The following NDUFAF3 variants were observed in gnomAD, a reference collection of about 807,000 sequenced individuals.
NDUFAF3 encodes NADH:ubiquinone oxidoreductase complex assembly factor 3.
In NDUFAF3, 21 loss-of-function variants were observed where a neutral mutation model predicts 22.6. The observed-to-expected ratio is 0.93, with a 90% confidence interval of 0.66 to 1.34. The LOEUF is 1.34. Among genes scored for constraint, NDUFAF3 ranks in the 40% most tolerant of loss-of-function variants. NDUFAF3 has a pLI of 0.00. For synonymous variants in NDUFAF3, 113 were observed against 104.9 expected (o/e 1.08, Z -0.47); for missense variants, 251 against 248.4 (o/e 1.01, Z -0.07).
rs1346312890 is a variant in NDUFAF3 at position 49,023,123 on chromosome 3, C to T, written c.506C>T (p.Pro169Leu). The change falls in exon 5 of 5, where the codon CCT becomes CTT. Residue 169 changes from proline to leucine, a missense_variant. Physicochemically the swap from Pro to Leu is moderately conservative, Grantham distance 98 (BLOSUM62 -3). Transcript: ENST00000326925. ...EGRVTGAALI[P>L]PPGGTSLTSL... ...CGAGTAACTGGAGCTGCTCTCATCC[C>T]TCCACCAGGAGGGACTTCACTTACA... The T allele has an allele frequency of 3.7e-6, 6 of 1,614,178 alleles. No individual in the cohort carries two copies. Among genetic ancestry groups the T allele is most frequent in the Non-Finnish European group, 5.1e-6 (6 of 1,180,012 alleles).
rs767302185 is a variant in NDUFAF3 at position 49,022,333 on chromosome 3, T to A, written c.78-13T>A. 1 of 1,610,710 alleles carries A rather than the reference T, an allele frequency of 6.2e-7. No homozygotes were observed. The highest frequency in any genetic ancestry group is 1.1e-5 in the South Asian group (1 of 91,038). On this transcript the variant is annotated splice_polypyrimidine_tract_variant and intron_variant, in intron 1 of 4. Coordinates refer to ENST00000326925, the MANE Select transcript of NDUFAF3 (RefSeq NM_199069.2). The surrounding 1 kb of genome is among the most constrained non-coding windows in gnomAD (Gnocchi z 6.6). ...CGGCCCGGCCCCGCGCCCCTGACCC[T>A]TTCCCTCCGCAGGGCCCCGCGGCGA...
upstream of NDUFAF3, chr3:49,022,089 C>T: frequency 1.9e-6 from 3 of 1,560,822 alleles, no homozygotes; most frequent in South Asian, 2.3e-5. This position sits in a 1 kb window ranked among gnomAD's most constrained non-coding sequence, Gnocchi z 6.6. Context: ...CCGCAGGGCC[C>T]TCCCAACCCG....
At chr3:49,020,529 G>A (rs561404673), upstream of NDUFAF3, 19 of 436,408 alleles carry the variant, frequency 4.4e-5, no homozygotes, top group Admixed American at 7.6e-5. Flanking sequence ...TCCAGCCTGA[G>A]GGCGCAACTG....
At chr3:49,020,833 A>G (rs1195700952), upstream of NDUFAF3, 4 of 350,110 alleles carry the variant, frequency 1.1e-5, no homozygotes, top group Non-Finnish European at 2.4e-5. Context: ...TCTAGAGGGA[A>G]CAAGACGCTC....
Position 49,022,275 on chromosome 3 carries a change from C to G in NDUFAF3, c.77+54C>G. ...TCCAGCCCCCTAGGGCCGGCGACTGCCAGCCCAGCACCTTCCGGCCTCTCG... is the reference window on the plus strand; with the variant it reads ...TCCAGCCCCCTAGGGCCGGCGACTGGCAGCCCAGCACCTTCCGGCCTCTCG... On this transcript the variant is annotated intron_variant, in intron 1 of 4. Coordinates refer to ENST00000326925, the MANE Select transcript of NDUFAF3 (RefSeq NM_199069.2). The surrounding 1 kb of genome is among the most constrained non-coding windows in gnomAD (Gnocchi z 6.6). The G allele has an allele frequency of 1.2e-6, 2 of 1,607,952 alleles. No individual in the cohort carries two copies. Among genetic ancestry groups the G allele is most frequent in the East Asian group, 2.2e-5 (1 of 44,820 alleles).
At position 49,023,360 on chromosome 3, in the gene NDUFAF3, C is replaced by T; in HGVS notation, c.*188C>T. 1 of 649,174 alleles carries T rather than the reference C, an allele frequency of 1.5e-6. No homozygotes were observed. The allele number at this position is 649,174 out of a possible 1,614,324, so 40.2% of individuals were successfully genotyped here. On this transcript the variant is annotated 3_prime_UTR_variant, in exon 5 of 5. Transcript: ENST00000326925. ...CTCTTGGAGGGGAATGTGAAGAAAC[C>T]AAGGAGTCACTTTTTCATCTAGATT...
chr3:49,022,549 G>A lies in NDUFAF3; in HGVS notation c.270+11G>A, dbSNP rs1425081528. On this transcript the variant is annotated intron_variant, in intron 2 of 4. Coordinates refer to ENST00000326925, the MANE Select transcript of NDUFAF3 (RefSeq NM_199069.2). This position sits in a 1 kb window ranked among gnomAD's most constrained non-coding sequence, Gnocchi z 6.6. ...GTGGTGCAGTGGAACGTGAGTCCTG[G>A]CCCGCAGTGTGGAAACTGAGGCCCA... 2 of 1,613,332 alleles carry A rather than the reference G, an allele frequency of 1.2e-6. No individual in the cohort carries two copies. The highest frequency in any genetic ancestry group is 3.3e-5 in the Admixed American group (2 of 60,014).
chr3:49,021,470 C>G (rs917964049), upstream of NDUFAF3: 1 of 153,744 alleles, frequency 6.5e-6, no homozygotes, highest in Non-Finnish European at 1.5e-5. This position sits in a 1 kb window ranked among gnomAD's most constrained non-coding sequence, Gnocchi z 4.1. Flanking sequence ...GAACAGCCAC[C>G]CAAACACTAT....
At position 49,022,286 on chromosome 3, in the gene NDUFAF3, C is replaced by T; in HGVS notation, c.78-60C>T. On this transcript the variant is annotated intron_variant, in intron 1 of 4. Transcript: ENST00000326925. The surrounding 1 kb of genome is among the most constrained non-coding windows in gnomAD (Gnocchi z 6.6). ...AGGGCCGGCGACTGCCAGCCCAGCA[C>T]CTTCCGGCCTCTCGGGCTGCCCGGC... 1 of 1,607,262 alleles carries T rather than the reference C, an allele frequency of 6.2e-7. No individual in the cohort carries two copies. The highest frequency in any genetic ancestry group is 8.5e-7 in the Non-Finnish European group (1 of 1,178,208).
rs2093175226 is a variant in NDUFAF3, at chr3:49,022,833, C to G, written c.338-43C>G. ...CCCAGAAGGCGACCCCCACTGCAGC[C>G]TCTCAACAGAACTGTAGACTAGCCA... On this transcript the variant is annotated intron_variant, in intron 3 of 4. Coordinates refer to ENST00000326925, the MANE Select transcript of NDUFAF3 (RefSeq NM_199069.2). This position sits in a 1 kb window ranked among gnomAD's most constrained non-coding sequence, Gnocchi z 6.6. 6.2e-7 allele frequency: 1 copy of G among 1,613,304 alleles called. No individual in the cohort carries two copies. The highest frequency in any genetic ancestry group is 1.7e-5 in the Admixed American group (1 of 60,002).
In NDUFAF3 at chr3:49,023,122, C is replaced by T. The variant is rs2093178966; in HGVS notation, c.505C>T (p.Pro169Ser). Residue 169 changes from proline to serine, a missense_variant, in exon 5 of 5, where the codon CCT becomes TCT. By Grantham distance (74) the Pro-to-Ser change is moderately conservative. Coordinates refer to ENST00000326925, the MANE Select transcript of NDUFAF3 (RefSeq NM_199069.2). Reference sequence around the variant, plus strand: ...CCGAGTAACTGGAGCTGCTCTCATCCCTCCACCAGGAGGGACTTCACTTAC... The same window carrying T: ...CCGAGTAACTGGAGCTGCTCTCATCTCTCCACCAGGAGGGACTTCACTTAC... ...EGRVTGAALI[P>S]PPGGTSLTSL... The T allele has an allele frequency of 6.2e-7, 1 of 1,614,046 alleles. No individual in the cohort carries two copies. The highest frequency in any genetic ancestry group is 1.7e-5 in the Admixed American group (1 of 60,002).
chr3:49,022,096 C>T (rs1230817140), upstream of NDUFAF3: 1 of 1,573,228 alleles, frequency 6.4e-7, no homozygotes, highest in South Asian at 1.1e-5. The surrounding 1 kb of genome is among the most constrained non-coding windows in gnomAD (Gnocchi z 6.6). Flanking sequence ...GCCCTCCCAA[C>T]CCGGGGACTA....
upstream of NDUFAF3, chr3:49,020,724 G>C (rs551359883): frequency 2.1e-6 from 1 of 476,092 alleles, no homozygotes; most frequent in East Asian, 6.5e-5. Context: ...CGGGGGGCGG[G>C]GGAGCTCCTG....
rs200233990 is a variant in NDUFAF3 at position 49,022,732 on chromosome 3, A to G, written c.301A>G (p.Ser101Gly). 6.2e-7 allele frequency: 1 copy of G among 1,614,062 alleles called. No individual in the cohort carries two copies. The highest frequency in any genetic ancestry group is 8.5e-7 in the Non-Finnish European group (1 of 1,180,026). ...VGSHQDITED[S>G]FSLFWLLEPR... is the part of the protein sequence containing the mutation. ...ATCCCACCAGGACATCACCGAAGAC[A>G]GCTTTTCCCTCTTCTGGTTGCTGGA... Residue 101 changes from serine to glycine, a missense_variant, in exon 3 of 5, where the codon AGC becomes GGC. By Grantham distance (56) the Ser-to-Gly change is moderately conservative. Coordinates refer to ENST00000326925, the MANE Select transcript of NDUFAF3 (RefSeq NM_199069.2). This position sits in a 1 kb window ranked among gnomAD's most constrained non-coding sequence, Gnocchi z 6.6.
upstream of NDUFAF3, chr3:49,020,684 G>A (rs1410674600): frequency 6.1e-6 from 3 of 490,706 alleles, no homozygotes; most frequent in Non-Finnish European, 1.3e-5. Flanking sequence ...GCTGCTTTTG[G>A]GATTCCGTTG....
Position 49,022,532 on chromosome 3 carries a change from G to A in NDUFAF3, c.264G>A (p.Gln88=). The A allele has an allele frequency of 6.2e-7, 1 of 1,613,312 alleles. No homozygotes were observed. The highest frequency in any genetic ancestry group is 8.5e-7 in the Non-Finnish European group (1 of 1,179,956). Residue 88 remains glutamine (Q), a synonymous_variant, in exon 2 of 5, where the codon CAG becomes CAA. Coordinates refer to ENST00000326925, the MANE Select transcript of NDUFAF3 (RefSeq NM_199069.2). This position sits in a 1 kb window ranked among gnomAD's most constrained non-coding sequence, Gnocchi z 6.6. ...PCALLPHSVV[Q]WNVGSHQDIT... Reference sequence around the variant, plus strand: ...CTCTGCTCCCGCACTCGGTGGTGCAGTGGAACGTGAGTCCTGGCCCGCAGT... The same window carrying A: ...CTCTGCTCCCGCACTCGGTGGTGCAATGGAACGTGAGTCCTGGCCCGCAGT...
At position 49,022,690 on chromosome 3, in the gene NDUFAF3, C is replaced by T. The variant is rs916640417; in HGVS notation, c.271-12C>T. Reference sequence around the variant, plus strand: ...GGATTTGTCGTATTAAATGTGCCTCCTCCCTGCACAGGTGGGATCCCACCA... The same window carrying T: ...GGATTTGTCGTATTAAATGTGCCTCTTCCCTGCACAGGTGGGATCCCACCA... On this transcript the variant is annotated splice_polypyrimidine_tract_variant and intron_variant, in intron 2 of 4. Transcript: ENST00000326925. The surrounding 1 kb of genome is among the most constrained non-coding windows in gnomAD (Gnocchi z 6.6). The T allele has an allele frequency of 1.9e-6, 3 of 1,614,006 alleles. No homozygotes were observed. Among genetic ancestry groups the T allele is most frequent in the Non-Finnish European group, 2.5e-6 (3 of 1,180,036 alleles).
chr3:49,022,853 T>G lies in NDUFAF3; in HGVS notation c.338-23T>G. On this transcript the variant is annotated intron_variant, in intron 3 of 4. Transcript: ENST00000326925. This position sits in a 1 kb window ranked among gnomAD's most constrained non-coding sequence, Gnocchi z 6.6. The stretch of plus-strand genomic sequence containing the variant: ...GCAGCCTCTCAACAGAACTGTAGAC[T>G]AGCCACACCCACCCTTCCCTAGAGA... The G allele has an allele frequency of 6.2e-7, 1 of 1,613,582 alleles. No homozygotes were observed. Among genetic ancestry groups the G allele is most frequent in the South Asian group, 1.1e-5 (1 of 91,088 alleles).
chr3:49,022,041 G>C (rs1462347905), upstream of NDUFAF3: 5 of 1,274,900 alleles, frequency 3.9e-6, no homozygotes, highest in East Asian at 1.3e-4. The surrounding 1 kb of genome is among the most constrained non-coding windows in gnomAD (Gnocchi z 6.6). Context: ...GGTGCCCTCC[G>C]GGACGCAGGG....
Sources: gnomAD v4.1 joint callset for allele counts on GRCh38, gnomAD v4.1.1 for gene constraint, Gnocchi (gnomAD v3.1) non-coding constraint, MANE v1.5 for transcripts, NCBI Gene and HGNC (gene_info 2026-07-23, HGNC 2026-07-21) for gene names.